Variants in ZPBP observed in about 807,000 individuals in gnomAD.
The protein encoded by ZPBP is zona pellucida-binding protein 1.
A neutral mutation model predicts 44.8 loss-of-function variants in ZPBP; 26 were observed. The observed-to-expected ratio is 0.58, with a 90% CI of 0.43 to 0.81. ZPBP has a LOEUF of 0.81. Ranked by LOEUF, ZPBP falls within the 30% of genes least tolerant of loss-of-function variation. The pLI is 0.00. For missense variants in ZPBP, 409 were observed against 434.0 expected, an observed-to-expected ratio of 0.94 and a Z score of 0.51; for synonymous variants, 174 against 153.2, an observed-to-expected ratio of 1.14 and a Z score of -1.00.
intron 7 of ZPBP, among the ~76,000 whole-genome samples, chr7:49,978,405 A>G (rs1388821721): frequency 6.6e-6 from 1 of 152,024 alleles, no homozygotes; most frequent in Non-Finnish European, 1.5e-5. Flanking sequence ...ATTTAAAAGT[A>G]CTAAATAAGT....
chr7:49,898,785 C>T (rs1792538038), intron 2 of ZPBP, among the ~76,000 whole-genome samples: 1 of 151,936 alleles, frequency 6.6e-6, no homozygotes, highest in African/African-American at 2.4e-5. Flanking sequence ...TGAAAGCTGA[C>T]TTATGTTAGC....
chr7:49,943,447 GT>G, intron 7 of ZPBP: 1 of 441,846 alleles, frequency 2.3e-6, no homozygotes. Context: ...GGAACACTAT[GT>G]TTATATCACA....
intron 6 of ZPBP, among the ~76,000 whole-genome samples, chr7:49,986,974 T>C (rs571823655): frequency 6.6e-4 from 100 of 152,296 alleles, no homozygotes; most frequent in African/African-American, 2.3e-3. Flanking sequence ...AAGCATGACC[T>C]GTAAGCAGGT....
chr7:49,915,120 G>C (rs1049205951), intron 1 of ZPBP: 1 of 152,154 alleles, frequency 6.6e-6, no homozygotes, highest in East Asian at 1.9e-4. Flanking sequence ...TTCAGTGATA[G>C]GATATTTACT....
At chr7:50,088,462 G>T (rs916146408) in intron 2 of ZPBP, among the ~76,000 whole-genome samples, 2 of 151,820 alleles carry the variant, frequency 1.3e-5, no homozygotes, top group South Asian at 2.1e-4. Flanking sequence ...ATGCTTCAAA[G>T]AACACATTAA....
rs71018432 is a variant in ZPBP at position 49,875,369 on chromosome 7, CAAAAAA to C, written n.510-24861_510-24856del. On this transcript the variant is annotated intron_variant and non_coding_transcript_variant, in intron 2 of 2. Coordinates refer to the ZPBP transcript ENST00000465922. ...TGGGTAACAGAGTGAGATTCTGACT[CAAAAAA>C]AAAAAAAAAAAAAAAAAAAAAACAG... Among the ~76,000 whole-genome samples, 34 of 19,010 alleles carry C rather than the reference CAAAAAA, an allele frequency of 1.8e-3. 1 individual carries two copies. In the East Asian group the frequency reaches 0.042, roughly 24 times the overall value. The allele number at this position is 19,010 out of a possible 152,430, so 12.5% of individuals were successfully genotyped here.
intron 2 of ZPBP, among the ~76,000 whole-genome samples, chr7:49,898,901 C>A (rs981530108): frequency 6.6e-6 from 1 of 151,592 alleles, no homozygotes; most frequent in Admixed American, 6.6e-5. Context: ...TAAATTAAAG[C>A]CACAAAAAGC....
chr7:50,088,900 A>C (rs1802803330), intron 2 of ZPBP, among the ~76,000 whole-genome samples: 1 of 149,846 alleles, frequency 6.7e-6, no homozygotes. Context: ...AGTGAGTATT[A>C]TCCCACCCTA....
chr7:49,881,796 A>T (rs1375727604), intron 2 of ZPBP, among the ~76,000 whole-genome samples: 1 of 152,120 alleles, frequency 6.6e-6, no homozygotes, highest in Non-Finnish European at 1.5e-5. Context: ...CACTTTGTAT[A>T]TAATAATAAT....
chr7:49,868,617 G>A (rs1303344989), intron 2 of ZPBP, among the ~76,000 whole-genome samples: 1 of 152,060 alleles, frequency 6.6e-6, no homozygotes. Context: ...CTCATGTAGG[G>A]AGTTTTTTGT....
chr7:49,885,170 T>A (rs1237734615), intron 2 of ZPBP, among the ~76,000 whole-genome samples: 1 of 152,050 alleles, frequency 6.6e-6, no homozygotes, highest in East Asian at 1.9e-4. Context: ...AAAAAGCACA[T>A]AAGAAATTGA....
chr7:49,897,021 G>A (rs897365795), intron 2 of ZPBP, among the ~76,000 whole-genome samples: 31 of 150,626 alleles, frequency 2.1e-4, no homozygotes, highest in African/African-American at 6.4e-4. Context: ...TCAGCCTCCC[G>A]AGTAGCTGGG....
intron 1 of ZPBP, among the ~76,000 whole-genome samples, chr7:49,905,271 G>A (rs1458717019): frequency 2.0e-5 from 3 of 152,298 alleles, no homozygotes; most frequent in South Asian, 4.1e-4. Flanking sequence ...CTTATCATGA[G>A]AGTACATGAT....
intron 6 of ZPBP, among the ~76,000 whole-genome samples, chr7:49,988,977 T>C (rs191687213): frequency 6.6e-6 from 1 of 152,348 alleles, no homozygotes; most frequent in African/African-American, 2.4e-5. Flanking sequence ...GTTATACTCC[T>C]ATGAACAAAA....
intron 2 of ZPBP, among the ~76,000 whole-genome samples, chr7:49,859,495 G>A (rs1254077425): frequency 6.6e-6 from 1 of 151,760 alleles, no homozygotes; most frequent in Non-Finnish European, 1.5e-5. Context: ...TTTTTTTCTT[G>A]TTGTTCTTCA....
chr7:49,940,487 G>A (rs150465489), intron 7 of ZPBP, among the ~76,000 whole-genome samples: 1 of 151,874 alleles, frequency 6.6e-6, no homozygotes, highest in African/African-American at 2.4e-5. Context: ...ATAGACATCA[G>A]AATGTAATAC....
At chr7:50,064,900 G>T (rs1187755167) in intron 3 of ZPBP, among the ~76,000 whole-genome samples, 2 of 152,172 alleles carry the variant, frequency 1.3e-5, no homozygotes, top group African/African-American at 4.8e-5. Context: ...AATCACAAGG[G>T]TATTGATTGG....
rs147708799 is a variant in ZPBP at position 49,975,218 on chromosome 7, C to A, written c.961+8124G>T. ...CAAGGCCAGAGTGCCAATCCCCAGT[C>A]TGAGATTCTCAAAAACAGTGACTGT... On this transcript the variant is annotated intron_variant, in intron 7 of 7. Transcript: ENST00000046087. Among the ~76,000 whole-genome samples, 15 of 152,274 alleles carry A rather than the reference C, an allele frequency of 9.9e-5. No individual in the cohort carries two copies. In the East Asian group the frequency reaches 2.9e-3, roughly 30 times the overall value.
chr7:50,057,430 TCTGACCTAAC>T (rs1358738472), intron 4 of ZPBP, among the ~76,000 whole-genome samples: 5 of 152,152 alleles, frequency 3.3e-5, no homozygotes, highest in African/African-American at 1.2e-4. Context: ...AGTGTGTGCC[TCTGACCTAAC>T]TCGGCCAGAA....
Sources: gnomAD v4.1 joint callset for allele counts (sites outside exome capture counted in the v4.1 genomes callset) on GRCh38, gnomAD v4.1.1 for gene constraint, MANE v1.5 for transcripts, NCBI Gene and HGNC (gene_info 2026-07-23, HGNC 2026-07-21) for gene names.